The following GLG1 variants were observed in gnomAD, a reference collection of about 807,000 sequenced individuals.
The protein encoded by GLG1 is Golgi apparatus protein 1.
GLG1 carries 38 observed loss-of-function variants against 160.5 expected under a neutral mutation model. That is an observed-to-expected ratio of 0.24 (90% CI 0.18 to 0.31). GLG1 has a LOEUF of 0.31. GLG1 is among the 10% of genes least tolerant of loss of function. The probability of loss-of-function intolerance (pLI) is 1.00; values close to 1 mark genes in which losing one functional copy is unlikely to be tolerated. For missense variants in GLG1, 1,373 were observed against 1,505.2 expected (o/e 0.91, Z 1.45); for synonymous variants, 644 against 543.4 (o/e 1.19, Z -2.57).
intron 4 of GLG1, among the ~76,000 whole-genome samples, chr16:74,500,326 C>A (rs1025865077): frequency 2.0e-5 from 3 of 152,078 alleles, no homozygotes; most frequent in Non-Finnish European, 2.9e-5. Context: ...AATGAACTTA[C>A]AATAATTTTT....
At chr16:74,577,105 G>A (rs1421214161) in intron 1 of GLG1, among the ~76,000 whole-genome samples, 1 of 151,950 alleles carries the variant, frequency 6.6e-6, no homozygotes, top group African/African-American at 2.4e-5. Flanking sequence ...TTAATTTTCT[G>A]GTAGAAACAG....
chr16:74,474,876 G>C (rs2015341387), intron 12 of GLG1, among the ~76,000 whole-genome samples: 1 of 152,158 alleles, frequency 6.6e-6, no homozygotes, highest in Non-Finnish European at 1.5e-5. Flanking sequence ...CCATGCAAAG[G>C]CTGGGCATGA....
At chr16:74,501,283 G>C (rs1319169760) in intron 4 of GLG1, among the ~76,000 whole-genome samples, 2 of 152,188 alleles carry the variant, frequency 1.3e-5, no homozygotes, top group African/African-American at 2.4e-5. Flanking sequence ...GTTCATGTGT[G>C]AGTCTATCTC....
chr16:74,603,883 T>C (rs189245452), intron 1 of GLG1, among the ~76,000 whole-genome samples: 5 of 151,990 alleles, frequency 3.3e-5, no homozygotes, highest in Admixed American at 3.3e-4. Flanking sequence ...CACACACAAC[T>C]AGGACTACTA....
chr16:74,449,549 T>TCC lies in GLG1; in HGVS notation c.*3617_*3618insGG, dbSNP rs1271652134. 1 of 152,180 alleles carries TCC rather than the reference T, an allele frequency of 6.6e-6. No individual in the cohort carries two copies. The highest frequency in any genetic ancestry group is 1.9e-4 in the East Asian group (1 of 5,190). The allele number at this position is 152,180 out of a possible 1,614,324, so 9.4% of individuals were successfully genotyped here. On this transcript the variant is annotated 3_prime_UTR_variant, in exon 26 of 26. Transcript: ENST00000422840. ...AACAAATGAAATCTGACAGTAACTT[T>TCC]CTGTAGCATCTTCAGGGAAAGCTGT...
In GLG1 at chr16:74,598,153, C is replaced by G. The variant is rs371912287; in HGVS notation, c.438+8504G>C. On this transcript the variant is annotated intron_variant, in intron 1 of 25. Coordinates refer to ENST00000422840, the MANE Select transcript of GLG1 (RefSeq NM_001145667.2). ...ACAGAAAACCCTCAGTAAATGCTAA[C>G]CATTATAAGTAGCAGTAGTATACTT... Among the ~76,000 whole-genome samples the G allele has an allele frequency of 7.9e-5, 12 of 152,264 alleles. No homozygotes were observed. The East Asian group carries it at 1.9e-3, about 24-fold the overall frequency.
At chr16:74,484,262 T>C (rs1312624555) in intron 9 of GLG1, among the ~76,000 whole-genome samples, 1 of 152,172 alleles carries the variant, frequency 6.6e-6, no homozygotes, top group Non-Finnish European at 1.5e-5. Context: ...TTGTTGGGTA[T>C]GGCCAAATGC....
At chr16:74,564,251 T>C (rs1567526517) in intron 1 of GLG1, among the ~76,000 whole-genome samples, 1 of 152,216 alleles carries the variant, frequency 6.6e-6, no homozygotes, top group Non-Finnish European at 1.5e-5. Flanking sequence ...CGTGGATGAA[T>C]ATACTGGATA....
chr16:74,462,172 G>A lies in GLG1; in HGVS notation c.2958C>T (p.Asp986=), dbSNP rs749555587. ...ADQRLSSDCE[D]QIRIIIQESA... ...ACTCCTGGATAATGATTCGGATCTG[G>A]TCTTCACAGTCTGAAGACAGGCGCT... Residue 986 remains aspartate, a synonymous_variant, in exon 22 of 26, where the codon GAC becomes GAT. Coordinates refer to ENST00000422840, the MANE Select transcript of GLG1 (RefSeq NM_001145667.2). The A allele has an allele frequency of 1.2e-6, 2 of 1,602,528 alleles. No individual in the cohort carries two copies. The highest frequency in any genetic ancestry group is 1.7e-6 in the Non-Finnish European group (2 of 1,169,766).
At chr16:74,461,239 C>T (rs1248802474) in intron 22 of GLG1, among the ~76,000 whole-genome samples, 1 of 150,666 alleles carries the variant, frequency 6.6e-6, no homozygotes, top group African/African-American at 2.4e-5. Flanking sequence ...GCAATCTCGG[C>T]TCACTGCAAG....
Position 74,503,650 on chromosome 16 carries a change from A to G in GLG1, c.655T>C (p.Tyr219His). The G allele has an allele frequency of 1.2e-6, 2 of 1,611,798 alleles. No homozygotes were observed. Among genetic ancestry groups the G allele is most frequent in the South Asian group, 1.1e-5 (1 of 91,042 alleles). ...GNITEYQCHQYITKMTAIIFS... is the reference protein window; with the variant it reads ...GNITEYQCHQHITKMTAIIFS... Reference sequence around the variant, plus strand: ...ATGATGGCCGTCATCTTGGTAATGTACTGGTGACACTGATACTCAGTGATG... The same window carrying G: ...ATGATGGCCGTCATCTTGGTAATGTGCTGGTGACACTGATACTCAGTGATG... The change falls in exon 4 of 26, where the codon TAC (tyrosine) becomes CAC (histidine). Residue 219 changes from tyrosine (Y) to histidine (H), a missense_variant. Tyr to His is a moderately conservative substitution (Grantham distance 83). Transcript: ENST00000422840.
intron 1 of GLG1, among the ~76,000 whole-genome samples, chr16:74,550,460 T>G (rs1177339034): frequency 4.6e-5 from 7 of 152,064 alleles, no homozygotes; most frequent in Admixed American, 2.6e-4. Context: ...GTGGGTTTCC[T>G]AAAGTAACAG....
At chr16:74,524,329 G>T (rs2017269150) in intron 2 of GLG1, among the ~76,000 whole-genome samples, 1 of 152,064 alleles carries the variant, frequency 6.6e-6, no homozygotes, top group African/African-American at 2.4e-5. Context: ...AAGTAACTAT[G>T]TCTTGTTGCC....
chr16:74,520,988 C>G (rs1001272023), intron 2 of GLG1, among the ~76,000 whole-genome samples: 1 of 152,068 alleles, frequency 6.6e-6, no homozygotes, highest in African/African-American at 2.4e-5. Context: ...GTAAATGTGT[C>G]AGGTGATAAG....
intron 1 of GLG1, among the ~76,000 whole-genome samples, chr16:74,594,565 ATCTTT>A (rs1032809531): frequency 1.8e-4 from 28 of 152,158 alleles, no homozygotes; most frequent in African/African-American, 6.3e-4. Flanking sequence ...ATCACTTAGG[ATCTTT>A]TCTTAAGTTT....
chr16:74,580,195 A>G (rs1957907086), intron 1 of GLG1, among the ~76,000 whole-genome samples: 1 of 151,908 alleles, frequency 6.6e-6, no homozygotes, highest in South Asian at 2.1e-4. Flanking sequence ...TCAAAAAACC[A>G]AATTTTACGC....
intron 13 of GLG1, 190 bp from the exon 14 acceptor site, chr16:74,472,601 A>G (rs1387334816): frequency 6.8e-7 from 1 of 1,478,498 alleles, no homozygotes; most frequent in Non-Finnish European, 9.0e-7. Context: ...TATACTTTGA[A>G]AGGCAAATTT....
At chr16:74,596,785 G>A (rs1958314340) in intron 1 of GLG1, among the ~76,000 whole-genome samples, 1 of 152,094 alleles carries the variant, frequency 6.6e-6, no homozygotes, top group Admixed American at 6.6e-5. Context: ...CAAGCCCTGA[G>A]GCAAGCTATT....
intron 1 of GLG1, among the ~76,000 whole-genome samples, chr16:74,565,640 T>C (rs1178243935): frequency 6.6e-6 from 1 of 152,220 alleles, no homozygotes; most frequent in East Asian, 1.9e-4. Flanking sequence ...TTCCTGTATG[T>C]CACTTTCCTT....
Sources: gnomAD v4.1 joint callset for allele counts (sites outside exome capture counted in the v4.1 genomes callset) on GRCh38, gnomAD v4.1.1 for gene constraint, MANE v1.5 for transcripts, NCBI Gene and HGNC (gene_info 2026-07-23, HGNC 2026-07-21) for gene names.